The following TMTC2 variants were observed in gnomAD, a reference collection of about 807,000 sequenced individuals.
TMTC2 encodes the protein transmembrane O-mannosyltransferase targeting cadherins 2.
TMTC2 carries 43 observed loss-of-function variants against 82.4 expected under a neutral mutation model. The ratio of observed to expected loss-of-function variants is 0.52; its 90% CI spans 0.41 to 0.67. TMTC2 has a LOEUF of 0.67. TMTC2 is among the 30% of genes least tolerant of loss of function. The probability of loss-of-function intolerance (pLI) is 0.00; values close to 1 mark genes in which losing one functional copy is unlikely to be tolerated. For missense variants in TMTC2, 919 were observed against 1,012.4 expected (o/e 0.91, Z 1.25); for synonymous variants, 408 against 381.9 (o/e 1.07, Z -0.80).
chr12:82,709,082 A>ATT lies in TMTC2; in HGVS notation c.83+21426_83+21427dup, dbSNP rs34138059. Among the ~76,000 whole-genome samples, 660 of 141,788 alleles carry ATT rather than the reference A, an allele frequency of 4.7e-3. 1 individual carries two copies. The highest frequency in any genetic ancestry group is 0.012 in the African/African-American group (445 of 38,360). 93.0% of individuals were successfully genotyped at this position (141,788 alleles called of 152,430 possible). ...GTCAGTAACATACTGCTGTGATAGG[A>ATT]TTTTTTTTTTTTTTCTTATTGGCAA... On this transcript the variant is annotated intron_variant, in intron 1 of 11. Transcript: ENST00000321196.
chr12:82,884,004 G>T (rs1592600049), intron 2 of TMTC2, among the ~76,000 whole-genome samples: 1 of 152,276 alleles, frequency 6.6e-6, no homozygotes. Flanking sequence ...CTGGTGGGAA[G>T]GGTTAAACCT....
chr12:82,926,931 T>C (rs1875750342), intron 3 of TMTC2, among the ~76,000 whole-genome samples: 1 of 152,196 alleles, frequency 6.6e-6, no homozygotes, highest in African/African-American at 2.4e-5. Context: ...AAGATTATCA[T>C]TGCCAGTGCA....
At chr12:82,751,165 A>T (rs1041103350) in intron 1 of TMTC2, among the ~76,000 whole-genome samples, 1 of 152,200 alleles carries the variant, frequency 6.6e-6, no homozygotes, top group Non-Finnish European at 1.5e-5. Flanking sequence ...AGACTGGATT[A>T]AGAAAATGTG....
At chr12:82,948,597 A>G (rs577980244) in intron 4 of TMTC2, among the ~76,000 whole-genome samples, 1 of 152,270 alleles carries the variant, frequency 6.6e-6, no homozygotes, top group East Asian at 1.9e-4. Context: ...GATACATGAT[A>G]CCTTTTCCCC....
chr12:82,754,636 C>T (rs1041741037), intron 1 of TMTC2, among the ~76,000 whole-genome samples: 1 of 151,982 alleles, frequency 6.6e-6, no homozygotes, highest in East Asian at 1.9e-4. Flanking sequence ...ACTTAGGGGG[C>T]TGAGGTGGGA....
chr12:82,817,114 C>T (rs1257250943), intron 1 of TMTC2, among the ~76,000 whole-genome samples: 9 of 151,504 alleles, frequency 5.9e-5, no homozygotes, highest in Admixed American at 5.9e-4. Flanking sequence ...ATTATAGGCG[C>T]CCGCCACCAC....
rs1025939563 is a variant in TMTC2 at position 82,857,141 on chromosome 12, C to A, written c.215C>A (p.Ser72Tyr). Residue 72 changes from serine (S) to tyrosine (Y), a missense_variant, in exon 2 of 12, where the codon TCT (serine) becomes TAT (tyrosine). Coordinates refer to ENST00000321196, the MANE Select transcript of TMTC2 (RefSeq NM_152588.3). Reference sequence around the variant, plus strand: ...TCCTACCGGCCACTCTGCACTCTTTCTTTTCGCCTGAACCATGCCATTGGA... The same window carrying A: ...TCCTACCGGCCACTCTGCACTCTTTATTTTCGCCTGAACCATGCCATTGGA... ...HKSYRPLCTL[S>Y]FRLNHAIGGL... is the part of the protein sequence containing the mutation. The A allele has an allele frequency of 6.2e-7, 1 of 1,614,180 alleles. No individual in the cohort carries two copies. The highest frequency in any genetic ancestry group is 1.7e-5 in the Admixed American group (1 of 60,026).
chr12:83,038,291 A>T (rs1373613015), intron 9 of TMTC2, among the ~76,000 whole-genome samples: 3 of 151,692 alleles, frequency 2.0e-5, no homozygotes, highest in African/African-American at 4.8e-5. Context: ...GTATAATAAA[A>T]ATATATATAT....
intron 1 of TMTC2, among the ~76,000 whole-genome samples, chr12:82,776,509 G>T (rs573129614): frequency 3.3e-5 from 5 of 150,654 alleles, no homozygotes; most frequent in African/African-American, 1.2e-4. Flanking sequence ...GGTGGCTCTT[G>T]AATGTAATCT....
intron 11 of TMTC2, among the ~76,000 whole-genome samples, chr12:83,128,231 A>G (rs1885152340): frequency 6.6e-6 from 1 of 152,296 alleles, no homozygotes; most frequent in South Asian, 2.1e-4. Context: ...GCAGAGAGCA[A>G]GGACACCAGT....
intron 8 of TMTC2, among the ~76,000 whole-genome samples, chr12:82,993,138 C>T (rs942659208): frequency 9.2e-5 from 14 of 152,106 alleles, no homozygotes; most frequent in Non-Finnish European, 1.9e-4. Flanking sequence ...GTGCATGCCA[C>T]CACGCCTGGC....
chr12:83,086,249 G>A (rs904279280), intron 11 of TMTC2, among the ~76,000 whole-genome samples: 10 of 151,130 alleles, frequency 6.6e-5, no homozygotes, highest in Middle Eastern at 3.2e-3. Flanking sequence ...TCCCTATGGC[G>A]CAGTGGCCGG....
chr12:82,711,478 C>A (rs1264484134), intron 1 of TMTC2, among the ~76,000 whole-genome samples: 2 of 151,400 alleles, frequency 1.3e-5, no homozygotes, highest in Non-Finnish European at 2.9e-5. Flanking sequence ...ATTTGAAAAC[C>A]AGGCATTGGG....
chr12:82,767,979 G>A (rs78959459), intron 1 of TMTC2, among the ~76,000 whole-genome samples: 2,247 of 152,146 alleles, frequency 0.015, 51 homozygotes, highest in African/African-American at 0.051. Flanking sequence ...GAAACAATTC[G>A]TTTCAAAAGT....
rs765596558 is a variant in TMTC2, at chr12:83,075,269, T to C, written c.2331+13438T>C. Among the ~76,000 whole-genome samples, 7 of 152,226 alleles carry C rather than the reference T, an allele frequency of 4.6e-5. 1 individual carries two copies. The highest frequency in any genetic ancestry group is 1.7e-4 in the African/African-American group (7 of 41,550). On this transcript the variant is annotated intron_variant, in intron 11 of 11. Coordinates refer to ENST00000321196, the MANE Select transcript of TMTC2 (RefSeq NM_152588.3). ...GGAGCAGTCCACTTCCTTCAAAGGG[T>C]CTGTGGGTCCTCTCAGGATTGCTGG...
At chr12:82,831,236 T>C (rs12304833) in intron 1 of TMTC2, among the ~76,000 whole-genome samples, 18 of 152,330 alleles carry the variant, frequency 1.2e-4, no homozygotes, top group African/African-American at 4.3e-4. Flanking sequence ...TTCTGCCTTC[T>C]GGTTTGACCA....
chr12:82,747,619 T>G (rs553205107), intron 1 of TMTC2, among the ~76,000 whole-genome samples: 4 of 152,238 alleles, frequency 2.6e-5, no homozygotes, highest in African/African-American at 7.2e-5. Flanking sequence ...AGTGCATTGC[T>G]TTGACTTACT....
intron 1 of TMTC2, among the ~76,000 whole-genome samples, chr12:82,713,185 G>C (rs1873717992): frequency 6.6e-6 from 1 of 152,136 alleles, no homozygotes; most frequent in Non-Finnish European, 1.5e-5. Flanking sequence ...GCTGGGCGTG[G>C]TGGCACACGC....
chr12:82,879,873 A>G (rs1459227935), intron 2 of TMTC2, among the ~76,000 whole-genome samples: 1 of 152,196 alleles, frequency 6.6e-6, no homozygotes, highest in East Asian at 1.9e-4. Flanking sequence ...CACATCCCAA[A>G]CTGAGATATA....
Sources: gnomAD v4.1 joint callset for allele counts (sites outside exome capture counted in the v4.1 genomes callset) on GRCh38, gnomAD v4.1.1 for gene constraint, MANE v1.5 for transcripts, NCBI Gene and HGNC (gene_info 2026-07-23, HGNC 2026-07-21) for gene names.